WWOX: variants seen among roughly 807,000 people sequenced by gnomAD.
The protein encoded by WWOX is WW domain-containing oxidoreductase.
WWOX carries 69 observed loss-of-function variants against 46.2 expected under a neutral mutation model. The observed-to-expected ratio is 1.49, with a 90% CI of 1.23 to 1.82. WWOX has a LOEUF of 1.82. WWOX is among the 40% of genes most tolerant of loss of function. The pLI, the probability that WWOX is intolerant of heterozygous loss-of-function variation, is 0.00. For synonymous variants in WWOX, 359 were observed against 202.6 expected (o/e 1.77, Z -6.56); for missense variants, 919 against 542.6 (o/e 1.69, Z -6.89).
intron 5 of WWOX, among the ~76,000 whole-genome samples, chr16:78,177,865 G>A (rs1315323626): frequency 6.6e-6 from 1 of 152,188 alleles, no homozygotes; most frequent in Non-Finnish European, 1.5e-5. Flanking sequence ...ACGAGACGGG[G>A]ACTGAACAGA....
At chr16:78,773,139 G>C (rs1288102501) in intron 8 of WWOX, among the ~76,000 whole-genome samples, 2 of 152,176 alleles carry the variant, frequency 1.3e-5, no homozygotes, top group African/African-American at 4.8e-5. Flanking sequence ...ATGAGGGCAG[G>C]GGACTTTGAC....
At chr16:79,149,850 T>A (rs12928188) in intron 8 of WWOX, among the ~76,000 whole-genome samples, 46,511 of 151,916 alleles carry the variant, frequency 0.31, 8,260 homozygotes, top group African/African-American at 0.48. Flanking sequence ...CATCTTGCAG[T>A]ATGGGTTTGG....
At chr16:78,656,863 G>GACATTTAGGGGAGGCTGTAGATA (rs2047092867) in intron 8 of WWOX, among the ~76,000 whole-genome samples, 1 of 152,184 alleles carries the variant, frequency 6.6e-6, no homozygotes, top group Admixed American at 6.5e-5. Context: ...GAAACAGGAA[G>GACATTTAGGGGAGGCTGTAGATA]ACATTTAGGG....
intron 8 of WWOX, among the ~76,000 whole-genome samples, chr16:78,832,253 G>T (rs1314112129): frequency 6.6e-6 from 1 of 152,128 alleles, no homozygotes; most frequent in Non-Finnish European, 1.5e-5. Context: ...CTTCACCATG[G>T]GGGCCTCTCT....
chr16:79,025,893 G>C (rs1204671470), intron 8 of WWOX, among the ~76,000 whole-genome samples: 4 of 146,110 alleles, frequency 2.7e-5, no homozygotes, highest in Non-Finnish European at 4.4e-5. Flanking sequence ...CCGCCTCCTG[G>C]GTTCAAGTGA....
chr16:79,051,089 G>C (rs764795898), intron 8 of WWOX, among the ~76,000 whole-genome samples: 13 of 152,206 alleles, frequency 8.5e-5, no homozygotes, highest in Non-Finnish European at 1.9e-4. Flanking sequence ...CATCACAACA[G>C]TAAAATAAAC....
chr16:78,658,152 A>G (rs2047123631), intron 8 of WWOX, among the ~76,000 whole-genome samples: 1 of 152,160 alleles, frequency 6.6e-6, no homozygotes, highest in Non-Finnish European at 1.5e-5. Flanking sequence ...TCAAAATACC[A>G]AAAACATTTG....
chr16:78,451,379 C>T (rs998162656), intron 8 of WWOX, among the ~76,000 whole-genome samples: 4 of 152,078 alleles, frequency 2.6e-5, no homozygotes, highest in South Asian at 2.1e-4. Context: ...AATTTATTTT[C>T]CACAGTCCAC....
intron 8 of WWOX, among the ~76,000 whole-genome samples, chr16:78,619,025 G>T (rs1400079500): frequency 6.7e-6 from 1 of 148,334 alleles, no homozygotes; most frequent in Non-Finnish European, 1.5e-5. Flanking sequence ...GCCAGGTGGG[G>T]TGGCTCATGT....
chr16:78,164,349 T>G lies in WWOX; in HGVS notation c.516+60T>G, dbSNP rs770862962. The G allele has an allele frequency of 7.5e-6, 11 of 1,469,422 alleles. 1 individual carries two copies. The highest frequency in any genetic ancestry group is 1.0e-5 in the Non-Finnish European group (11 of 1,058,744). The allele number at this position is 1,469,422 out of a possible 1,614,324, so 91.0% of individuals were successfully genotyped here. ...TCAAATACACATGCCGGGCTAACCATATGGAGATTTCAGTGGAGTGTGTAA... is the reference window on the plus strand; with the variant it reads ...TCAAATACACATGCCGGGCTAACCAGATGGAGATTTCAGTGGAGTGTGTAA... On this transcript the variant is annotated intron_variant, in intron 5 of 8. Coordinates refer to ENST00000566780, the MANE Select transcript of WWOX (RefSeq NM_016373.4).
At chr16:79,044,733 T>C (rs1440099025) in intron 8 of WWOX, among the ~76,000 whole-genome samples, 1 of 152,176 alleles carries the variant, frequency 6.6e-6, no homozygotes, top group Non-Finnish European at 1.5e-5. Flanking sequence ...AGGATTATTG[T>C]AGAGGGGACT....
intron 8 of WWOX, among the ~76,000 whole-genome samples, chr16:79,094,844 G>T (rs1567546144): frequency 1.3e-5 from 2 of 152,106 alleles, no homozygotes; most frequent in Non-Finnish European, 2.9e-5. Flanking sequence ...AATATTTATT[G>T]AGCCAACAGG....
At chr16:78,139,236 C>T (rs1422763933) in intron 4 of WWOX, among the ~76,000 whole-genome samples, 1 of 152,136 alleles carries the variant, frequency 6.6e-6, no homozygotes, top group Admixed American at 6.5e-5. Flanking sequence ...CTTCAAGGGA[C>T]AGAACCAGGA....
chr16:79,005,846 C>T (rs967158667), intron 8 of WWOX, among the ~76,000 whole-genome samples: 3 of 152,112 alleles, frequency 2.0e-5, no homozygotes, highest in Non-Finnish European at 4.4e-5. Context: ...CCAGAGTGAC[C>T]AGTAGAACAT....
intron 8 of WWOX, among the ~76,000 whole-genome samples, chr16:78,738,496 C>G (rs1597521277): frequency 1.3e-5 from 2 of 152,052 alleles, no homozygotes; most frequent in African/African-American, 4.8e-5. Context: ...GAATTCCACT[C>G]CTTTGGGAGT....
chr16:78,532,063 G>GTT (rs568382825), intron 8 of WWOX, among the ~76,000 whole-genome samples: 4 of 141,108 alleles, frequency 2.8e-5, no homozygotes, highest in Non-Finnish European at 3.1e-5. Flanking sequence ...GGAGTAGGGA[G>GTT]TTTTTTTTTT....
chr16:78,158,959 C>T (rs2034694215), intron 4 of WWOX, among the ~76,000 whole-genome samples: 1 of 152,104 alleles, frequency 6.6e-6, no homozygotes, highest in African/African-American at 2.4e-5. Flanking sequence ...CCTTTGCCTA[C>T]ACCATTCTAT....
intron 8 of WWOX, among the ~76,000 whole-genome samples, chr16:78,669,259 C>A (rs17641049): frequency 6.6e-6 from 1 of 152,314 alleles, no homozygotes; most frequent in East Asian, 1.9e-4. Flanking sequence ...CATTTGCTGT[C>A]CCAAGTGTCC....
At chr16:78,630,045 G>C (rs2046392075) in intron 8 of WWOX, among the ~76,000 whole-genome samples, 1 of 152,028 alleles carries the variant, frequency 6.6e-6, no homozygotes, top group African/African-American at 2.4e-5. Flanking sequence ...CACTCATGTA[G>C]ACTCGAAGCT....
Sources: allele counts gnomAD v4.1 joint callset (sites outside exome capture counted in the v4.1 genomes callset), GRCh38; gene constraint gnomAD v4.1.1; transcripts MANE v1.5; gene names NCBI Gene and HGNC (gene_info 2026-07-23, HGNC 2026-07-21).